The following FAM149A variants were observed in gnomAD, a reference collection of about 807,000 sequenced individuals.
FAM149A encodes the protein protein FAM149A.
FAM149A carries 71 observed loss-of-function variants against 78.2 expected under a neutral mutation model. That is an observed-to-expected ratio of 0.91 (90% CI 0.75 to 1.11). The LOEUF (loss-of-function observed/expected upper bound fraction) is 1.11, where lower values mean the gene tolerates loss of function less well. Ranked by LOEUF, FAM149A falls within the 50% of genes least tolerant of loss-of-function variation. The pLI, the probability that FAM149A is intolerant of heterozygous loss-of-function variation, is 0.00. For synonymous variants in FAM149A, 446 were observed against 410.5 expected (o/e 1.09, Z -1.04); for missense variants, 1,036 against 971.0 (o/e 1.07, Z -0.89).
intron 13 of FAM149A, 117 bp downstream of exon 13, chr4:186,167,379 C>G (rs749070000): frequency 4.0e-6 from 4 of 1,011,424 alleles, no homozygotes; most frequent in Non-Finnish European, 6.3e-6. Context: ...GAGGGAATAG[C>G]AAATGTTTGG....
At chr4:186,138,829 C>T (rs781411911) in intron 1 of FAM149A, among the ~76,000 whole-genome samples, 7 of 152,070 alleles carry the variant, frequency 4.6e-5, no homozygotes, top group African/African-American at 9.7e-5. Context: ...CACCTGGCTC[C>T]GGGAGTGCTT....
chr4:186,154,913 G>T (rs534069937), intron 6 of FAM149A: 1 of 985,226 alleles, frequency 1.0e-6, no homozygotes, highest in South Asian at 4.7e-5. Context: ...AGCCCTGGCT[G>T]CCCAAAAGGG....
rs1402160175 is a variant in FAM149A, at chr4:186,164,510, C to G, written c.1890-834C>G. 1.0e-6 allele frequency: 1 copy of G among 984,468 alleles called. No individual in the cohort carries two copies. Among genetic ancestry groups the G allele is most frequent in the African/African-American group, 1.7e-5 (1 of 57,346 alleles). The allele number at this position is 984,468 out of a possible 1,614,324, so 61.0% of individuals were successfully genotyped here. On this transcript the variant is annotated intron_variant, in intron 10 of 13. Transcript: ENST00000389354. The surrounding 1 kb of genome is among the most constrained non-coding windows in gnomAD (Gnocchi z 4.0). The stretch of plus-strand genomic sequence containing the variant: ...TTTTCCAGATGCAGTCATAACCCCC[C>G]TTTCAGCTTTTTAATTGGTGACTGT...
At chr4:186,155,886 CAA>C in intron 6 of FAM149A, 112 bp from the exon 7 acceptor site, 3 of 740,002 alleles carry the variant, frequency 4.1e-6, no homozygotes, top group Non-Finnish European at 2.0e-6. Context: ...TGCTGTTTAA[CAA>C]AGAATGTTTA....
chr4:186,153,820 T>C, intron 5 of FAM149A, 50 bp downstream of exon 5: 1 of 1,555,146 alleles, frequency 6.4e-7, no homozygotes, highest in Non-Finnish European at 8.8e-7. Context: ...TGTATTTTAG[T>C]TATACTTTTT....
intron 1 of FAM149A, chr4:186,117,943 G>A: frequency 3.0e-6 from 3 of 985,324 alleles, no homozygotes; most frequent in Non-Finnish European, 3.6e-6. Flanking sequence ...CAGGTGGCTG[G>A]GAGGAGAGTG....
At chr4:186,116,349 G>A (rs570022221) in intron 1 of FAM149A, 39 of 431,952 alleles carry the variant, frequency 9.0e-5, no homozygotes, top group Middle Eastern at 1.2e-3. Flanking sequence ...GAAATCACCC[G>A]TCTTCTGTGT....
chr4:186,145,233 G>C (rs1052136638), intron 1 of FAM149A: 5 of 803,928 alleles, frequency 6.2e-6, no homozygotes, highest in Admixed American at 1.2e-4. Flanking sequence ...CTCGGGAAGC[G>C]TCAGGCCGGC....
intron 1 of FAM149A, chr4:186,133,012 G>T (rs2099321384): frequency 1.0e-6 from 1 of 985,326 alleles, no homozygotes; most frequent in African/African-American, 1.7e-5. Context: ...TCTGCCTATA[G>T]AGCTGGCCTG....
intron 1 of FAM149A, among the ~76,000 whole-genome samples, chr4:186,124,433 G>T (rs1430288803): frequency 2.7e-5 from 4 of 147,036 alleles, no homozygotes; most frequent in Admixed American, 6.7e-5. Context: ...CCCACAACAG[G>T]CCCCGGTGTG....
At chr4:186,150,942 G>A (rs541824955) in intron 3 of FAM149A, 3 of 673,906 alleles carry the variant, frequency 4.5e-6, no homozygotes, top group South Asian at 6.6e-5. Context: ...GGCTGGTTTC[G>A]AACTCCTGAC....
intron 1 of FAM149A, chr4:186,117,704 A>C: frequency 1.0e-6 from 1 of 966,458 alleles, no homozygotes; most frequent in Non-Finnish European, 1.2e-6. Context: ...TTTAGTAAAC[A>C]CTGGAAAAGC....
intron 1 of FAM149A, chr4:186,126,222 A>G (rs890999610): frequency 4.8e-6 from 2 of 413,332 alleles, no homozygotes; most frequent in African/African-American, 4.3e-5. Flanking sequence ...ACCTTGACAT[A>G]CTTGCCCTTT....
chr4:186,133,521 T>C lies in FAM149A; in HGVS notation c.567-15652T>C, dbSNP rs564227448. 3.3e-5 allele frequency among the ~76,000 whole-genome samples: 5 copies of C among 152,350 alleles called. No homozygotes were observed. In the South Asian group the frequency reaches 6.2e-4, roughly 19 times the overall value. ...AAGATTTTAAGGTTCATCCATGTTA[T>C]AGCATGAATCAGATTTTCATTCCCT... On this transcript the variant is annotated intron_variant, in intron 1 of 13. Coordinates refer to ENST00000389354, the MANE Select transcript of FAM149A (RefSeq NM_001367768.3).
chr4:186,105,344 G>A lies in FAM149A; in HGVS notation c.268G>A (p.Ala90Thr). 1 of 1,174,560 alleles carries A rather than the reference G, an allele frequency of 8.5e-7. No homozygotes were observed. Among genetic ancestry groups the A allele is most frequent in the Non-Finnish European group, 1.1e-6 (1 of 942,094 alleles). The allele number at this position is 1,174,560 out of a possible 1,614,324, so 72.8% of individuals were successfully genotyped here. A position where few individuals can be genotyped will look rare whatever the true frequency, so the allele number is the denominator to read the frequency against. Residue 90 changes from alanine (A) to threonine (T), a missense_variant, in exon 1 of 14, where the codon GCA becomes ACA. By Grantham distance (58) the Ala-to-Thr change is moderately conservative. Coordinates refer to ENST00000389354, the MANE Select transcript of FAM149A (RefSeq NM_001367768.3). ...CTCCGCCGCCAGCCGCGCCGCGGGA[G>A]CAGTGGGGACCCTGCTCTCTTGGCC...
Position 186,105,660 on chromosome 4 carries a change from C to A in FAM149A, c.566+18C>A. On this transcript the variant is annotated intron_variant, in intron 1 of 13. Transcript: ENST00000389354. ...GGCGAAGCGTGAGTAGCAGCGTGGT[C>A]CGGGCGCGTGTACCTTTTGCCGGGA... 2 of 1,053,500 alleles carry A rather than the reference C, an allele frequency of 1.9e-6. No homozygotes were observed. Among genetic ancestry groups the A allele is most frequent in the African/African-American group, 1.7e-5 (1 of 57,730 alleles). 65.3% of individuals were successfully genotyped at this position (1,053,500 alleles called of 1,614,324 possible).
chr4:186,163,344 T>C, intron 9 of FAM149A, 80 bp from the exon 10 acceptor site: 2 of 1,127,812 alleles, frequency 1.8e-6, no homozygotes, highest in South Asian at 2.5e-5. Flanking sequence ...TTCTAGGCAG[T>C]GCTCAACTAA....
At position 186,129,395 on chromosome 4, in the gene FAM149A, C is replaced by T. The variant is rs144043828; in HGVS notation, c.567-19778C>T. Among the ~76,000 whole-genome samples the T allele has an allele frequency of 5.8e-3, 883 of 152,150 alleles. 12 individuals are homozygous for T. The highest frequency in any genetic ancestry group is 0.02 in the African/African-American group (842 of 41,472). ...CATGAACTGTAATTGCATTAAATCA[C>T]GAGGAAAAACTGTGTATTTCACTAA... On this transcript the variant is annotated intron_variant, in intron 1 of 13. Coordinates refer to ENST00000389354, the MANE Select transcript of FAM149A (RefSeq NM_001367768.3).
intron 1 of FAM149A, among the ~76,000 whole-genome samples, chr4:186,133,810 C>T (rs1316562149): frequency 2.6e-5 from 4 of 152,132 alleles, no homozygotes; most frequent in African/African-American, 4.8e-5. Flanking sequence ...GCATGTGCCA[C>T]CACACCTACC....
Sources: gnomAD v4.1 joint callset for allele counts (sites outside exome capture counted in the v4.1 genomes callset) on GRCh38, gnomAD v4.1.1 for gene constraint, Gnocchi (gnomAD v3.1) non-coding constraint, MANE v1.5 for transcripts, NCBI Gene and HGNC (gene_info 2026-07-23, HGNC 2026-07-21) for gene names.